ZNF469: variants seen among roughly 807,000 people sequenced by gnomAD.
ZNF469 encodes the protein zinc finger protein 469.
In ZNF469, 1 loss-of-function variant was observed where a neutral mutation model predicts 1.0. That is an observed-to-expected ratio of 1.00 (90% CI 0.35 to 4.73). The LOEUF is 4.73. ZNF469 is among the 30% of genes most tolerant of loss of function. The probability of loss-of-function intolerance (pLI) is 0.16; values close to 1 mark genes in which losing one functional copy is unlikely to be tolerated. For missense variants in ZNF469, 6,100 were observed against 5,356.3 expected, an observed-to-expected ratio of 1.14 and a Z score of -4.33; for synonymous variants, 2,703 against 2,363.4, an observed-to-expected ratio of 1.14 and a Z score of -4.17.
chr16:88,117,318 G>A, the ZNF469 span, among the ~76,000 whole-genome samples: 4 of 152,206 alleles, frequency 2.6e-5, no homozygotes, highest in Admixed American at 6.5e-5. Flanking sequence ...ACAGATGCGT[G>A]TGGCTCTCTC....
At chr16:88,163,629 GAT>G in the ZNF469 span, among the ~76,000 whole-genome samples, 1 of 151,414 alleles carries the variant, frequency 6.6e-6, no homozygotes, top group East Asian at 2.0e-4. Flanking sequence ...TGGATGGATG[GAT>G]GGATGGATGG....
At chr16:88,336,762 G>C in the ZNF469 span, among the ~76,000 whole-genome samples, 1 of 152,242 alleles carries the variant, frequency 6.6e-6, no homozygotes, top group African/African-American at 2.4e-5. Flanking sequence ...CGATTCGGTG[G>C]CTTTTCATGC....
chr16:88,158,856 A>G, the ZNF469 span, among the ~76,000 whole-genome samples: 1 of 152,036 alleles, frequency 6.6e-6, no homozygotes, highest in Non-Finnish European at 1.5e-5. Context: ...ACTCCTTTCC[A>G]GCTCCTGGGG....
intron 1 of ZNF469, among the ~76,000 whole-genome samples, chr16:88,398,015 C>A (rs1015655948): frequency 6.6e-6 from 1 of 152,250 alleles, no homozygotes; most frequent in South Asian, 2.1e-4. Context: ...TTCAGCCCGG[C>A]AGGGCCAGGC....
the ZNF469 span, among the ~76,000 whole-genome samples, chr16:88,219,315 A>G: frequency 2.9e-3 from 427 of 145,586 alleles, 5 homozygotes; most frequent in Middle Eastern, 0.027. Flanking sequence ...TGCCAAGTCA[A>G]TCCTAAGCCA....
chr16:88,315,326 G>T, the ZNF469 span, among the ~76,000 whole-genome samples: 2 of 152,192 alleles, frequency 1.3e-5, no homozygotes, highest in Non-Finnish European at 1.5e-5. Context: ...AGAAAGCAGG[G>T]CCACCATCCT....
At chr16:88,112,895 G>A in the ZNF469 span, among the ~76,000 whole-genome samples, 41 of 146,968 alleles carry the variant, frequency 2.8e-4, no homozygotes, top group South Asian at 6.6e-3. Context: ...CTCCTGCCTC[G>A]GCCTCCCCAG....
chr16:88,430,373 G>C lies in ZNF469; in HGVS notation c.2903G>C (p.Gly968Ala). ...TCGGGCGGCGCAGCAGAGGGGTCGGGGTCGGGCGGCGGCGGCAGAGCCTCC... is the reference window on the plus strand; with the variant it reads ...TCGGGCGGCGCAGCAGAGGGGTCGGCGTCGGGCGGCGGCGGCAGAGCCTCC... ...LDSGGAAEGSGSGGGGRASGL... is the reference protein window; with the variant it reads ...LDSGGAAEGSASGGGGRASGL... Residue 968 changes from glycine (G) to alanine (A), a missense_variant, in exon 3 of 3, where the codon GGG becomes GCG. Physicochemically the swap from Gly to Ala is moderately conservative, Grantham distance 60. Coordinates refer to ENST00000565624, the MANE Select transcript of ZNF469 (RefSeq NM_001367624.2). 3 of 1,516,978 alleles carry C rather than the reference G, an allele frequency of 2.0e-6. No homozygotes were observed. The highest frequency in any genetic ancestry group is 2.6e-6 in the Non-Finnish European group (3 of 1,136,322). 94.0% of individuals were successfully genotyped at this position (1,516,978 alleles called of 1,614,324 possible).
chr16:88,180,696 C>T, the ZNF469 span, among the ~76,000 whole-genome samples: 1 of 152,136 alleles, frequency 6.6e-6, no homozygotes, highest in Admixed American at 6.5e-5. Flanking sequence ...ATTGCTTGAA[C>T]CCATGAGATG....
the ZNF469 span, chr16:88,302,452 C>T: frequency 3.3e-5 from 5 of 152,284 alleles, no homozygotes; most frequent in Admixed American, 3.3e-4. Flanking sequence ...GAAGCGCGGC[C>T]CACCCTGCCT....
At chr16:88,122,854 T>A in the ZNF469 span, among the ~76,000 whole-genome samples, 1 of 152,100 alleles carries the variant, frequency 6.6e-6, no homozygotes, top group Non-Finnish European at 1.5e-5. Context: ...TATAAATATA[T>A]ATTTTAGAGA....
At chr16:88,355,032 CT>C in the ZNF469 span, among the ~76,000 whole-genome samples, 2 of 152,166 alleles carry the variant, frequency 1.3e-5, no homozygotes, top group African/African-American at 2.4e-5. Context: ...CCACCTGATA[CT>C]CAGGGAACGT....
rs1567516354 is a variant in ZNF469, at chr16:88,437,190, GGGCAAGCGCTCCGCC to G, written c.9727_9741del (p.Arg3243_Lys3247del). 1.3e-6 allele frequency: 2 copies of G among 1,549,556 alleles called. No individual in the cohort carries two copies. The highest frequency in any genetic ancestry group is 2.4e-5 in the South Asian group (2 of 84,058). ...CGGAACCCGCGCCCAAACACCACAG[GGGCAAGCGCTCCGCC>G]GGCAAGGCCGCCGGGAGCCCGGGAG... On this transcript the variant is annotated inframe_deletion, in exon 3 of 3. Transcript: ENST00000565624.
chr16:88,389,506 C>T (rs374727135), intron 1 of ZNF469, among the ~76,000 whole-genome samples: 49 of 152,368 alleles, frequency 3.2e-4, no homozygotes, highest in African/African-American at 1.1e-3. Context: ...ACTGTCATCT[C>T]TCCTGGGCAG....
the ZNF469 span, among the ~76,000 whole-genome samples, chr16:88,373,007 A>G: frequency 6.0e-3 from 907 of 152,320 alleles, 9 homozygotes; most frequent in African/African-American, 0.02. Context: ...CATCATTACC[A>G]TCTTCACCAT....
the ZNF469 span, among the ~76,000 whole-genome samples, chr16:88,374,866 G>A: frequency 6.6e-6 from 1 of 152,230 alleles, no homozygotes; most frequent in Non-Finnish European, 1.5e-5. Context: ...GGGCGGTGAT[G>A]CAGGCCCCAG....
Position 88,431,904 on chromosome 16 carries a change from C to T in ZNF469, c.4434C>T (p.Ser1478=), listed in dbSNP as rs74032865. ...GCAGCCTGTCTGCGAACAGGGACTCCGGTCTGCCGTTCGCATGTGCCGACC... is the reference window on the plus strand; with the variant it reads ...GCAGCCTGTCTGCGAACAGGGACTCTGGTCTGCCGTTCGCATGTGCCGACC... ...LYGSLSANRD[S]GLPFACADPP... The change falls in exon 3 of 3, where the codon TCC becomes TCT. Residue 1478 remains serine (S), a synonymous_variant. Transcript: ENST00000565624. The T allele has an allele frequency of 0.014, 21,501 of 1,549,792 alleles. 276 individuals carry two copies. Among genetic ancestry groups the T allele is most frequent in the African/African-American group, 0.052 (3,837 of 73,150 alleles).
the ZNF469 span, among the ~76,000 whole-genome samples, chr16:88,179,233 T>A: frequency 6.6e-6 from 1 of 152,184 alleles, no homozygotes; most frequent in African/African-American, 2.4e-5. Flanking sequence ...GGCGGGGGTT[T>A]GGGTCAAGGG....
chr16:88,300,786 C>T, the ZNF469 span, among the ~76,000 whole-genome samples: 2 of 152,086 alleles, frequency 1.3e-5, no homozygotes, highest in East Asian at 1.9e-4. Flanking sequence ...TGTTAGAGGC[C>T]GGGTGCGGTG....
Sources: gnomAD v4.1 joint callset for allele counts (sites outside exome capture counted in the v4.1 genomes callset) on GRCh38, gnomAD v4.1.1 for gene constraint, MANE v1.5 for transcripts, NCBI Gene and HGNC (gene_info 2026-07-23, HGNC 2026-07-21) for gene names.